Variants in CNTNAP5 observed in about 807,000 individuals in gnomAD.
CNTNAP5 encodes the protein contactin-associated protein-like 5.
CNTNAP5 carries 72 observed loss-of-function variants against 150.2 expected under a neutral mutation model. That is an observed-to-expected ratio of 0.48 (90% CI 0.40 to 0.58). The LOEUF (loss-of-function observed/expected upper bound fraction) is 0.58, where lower values mean the gene tolerates loss of function less well. CNTNAP5 is among the 20% of genes least tolerant of loss of function. The probability of loss-of-function intolerance (pLI) is 0.00; values close to 1 mark genes in which losing one functional copy is unlikely to be tolerated. For synonymous variants in CNTNAP5, 672 were observed against 619.8 expected (o/e 1.08, Z -1.25); for missense variants, 1,636 against 1,626.2 (o/e 1.01, Z -0.10).
intron 3 of CNTNAP5, among the ~76,000 whole-genome samples, chr2:124,278,564 A>G (rs1687942385): frequency 6.6e-6 from 1 of 152,184 alleles, no homozygotes; most frequent in Non-Finnish European, 1.5e-5. Flanking sequence ...TTGAGCAAAC[A>G]AGCCTCATGT....
chr2:124,818,268 A>G (rs2104665893), intron 19 of CNTNAP5, among the ~76,000 whole-genome samples: 1 of 152,242 alleles, frequency 6.6e-6, no homozygotes, highest in East Asian at 1.9e-4. Context: ...TGATCCCTGG[A>G]AGTATTAGGT....
intron 17 of CNTNAP5, among the ~76,000 whole-genome samples, chr2:124,786,501 G>GAGAGAA: frequency 9.4e-6 from 1 of 106,530 alleles, no homozygotes; most frequent in African/African-American, 5.0e-5. Flanking sequence ...GGAAGGGAGG[G>GAGAGAA]AAAGAAAAAG....
chr2:124,833,835 T>C (rs1682769682), intron 19 of CNTNAP5, among the ~76,000 whole-genome samples: 1 of 152,150 alleles, frequency 6.6e-6, no homozygotes, highest in Non-Finnish European at 1.5e-5. Context: ...GTCATTCATA[T>C]TTTAAGGAAT....
chr2:124,628,539 C>G (rs1443837575), intron 12 of CNTNAP5, among the ~76,000 whole-genome samples: 1 of 152,138 alleles, frequency 6.6e-6, no homozygotes. Context: ...CACCAGCAGG[C>G]CTGCCTTGCA....
At chr2:124,478,498 T>C (rs1295318653) in intron 7 of CNTNAP5, among the ~76,000 whole-genome samples, 1 of 152,102 alleles carries the variant, frequency 6.6e-6, no homozygotes, top group Non-Finnish European at 1.5e-5. Context: ...AAGTGAGAAT[T>C]CGTATCACTA....
At chr2:124,682,486 A>G (rs766897606) in intron 13 of CNTNAP5, among the ~76,000 whole-genome samples, 5 of 152,188 alleles carry the variant, frequency 3.3e-5, no homozygotes, top group Non-Finnish European at 5.9e-5. Context: ...TGGAACGTCA[A>G]AAGTTCTCAG....
chr2:124,875,810 C>T (rs774499699), intron 21 of CNTNAP5, among the ~76,000 whole-genome samples: 2 of 150,840 alleles, frequency 1.3e-5, no homozygotes, highest in Non-Finnish European at 2.9e-5. Flanking sequence ...AATTCTGAAC[C>T]ATGGTGAGTC....
At chr2:124,476,043 G>A (rs1280886888) in intron 7 of CNTNAP5, among the ~76,000 whole-genome samples, 1 of 151,860 alleles carries the variant, frequency 6.6e-6, no homozygotes, top group Non-Finnish European at 1.5e-5. Context: ...GCTTTTGTTA[G>A]TGGTTTCTGT....
intron 3 of CNTNAP5, among the ~76,000 whole-genome samples, chr2:124,266,921 C>T (rs1003340350): frequency 5.9e-5 from 9 of 151,456 alleles, no homozygotes; most frequent in African/African-American, 2.2e-4. Context: ...TACGCTTTTG[C>T]TGGCTTAAGC....
At chr2:124,047,975 ACACG>A (rs1322653086) in intron 1 of CNTNAP5, among the ~76,000 whole-genome samples, 1 of 152,202 alleles carries the variant, frequency 6.6e-6, no homozygotes, top group Non-Finnish European at 1.5e-5. Flanking sequence ...AGGCACATGC[ACACG>A]CACACACACA....
intron 1 of CNTNAP5, among the ~76,000 whole-genome samples, chr2:124,086,302 C>G (rs1682690918): frequency 6.8e-6 from 1 of 146,076 alleles, no homozygotes; most frequent in African/African-American, 2.6e-5. Flanking sequence ...CTCCCGGGTT[C>G]ACTCCATTCT....
intron 3 of CNTNAP5, among the ~76,000 whole-genome samples, chr2:124,243,611 G>T (rs778143596): frequency 7.9e-5 from 12 of 152,100 alleles, no homozygotes; most frequent in African/African-American, 1.2e-4. Flanking sequence ...TAAACAGTGA[G>T]TATACATGGA....
At chr2:124,387,791 G>A (rs1305756526) in intron 3 of CNTNAP5, among the ~76,000 whole-genome samples, 1 of 152,272 alleles carries the variant, frequency 6.6e-6, no homozygotes, top group African/African-American at 2.4e-5. Context: ...CAGGGGATGC[G>A]ATGGCTTGGC....
intron 1 of CNTNAP5, among the ~76,000 whole-genome samples, chr2:124,184,239 G>A (rs1451677710): frequency 6.6e-6 from 1 of 152,130 alleles, no homozygotes; most frequent in African/African-American, 2.4e-5. Context: ...CTGAAAGAAT[G>A]GAAGGAGACA....
chr2:124,747,498 C>G, intron 14 of CNTNAP5, 113 bp downstream of exon 14: 1 of 1,258,010 alleles, frequency 7.9e-7, no homozygotes, highest in South Asian at 1.3e-5. Context: ...CTGGAGCTCC[C>G]CCGATGGTGA....
intron 10 of CNTNAP5, among the ~76,000 whole-genome samples, chr2:124,536,567 C>A (rs1239818586): frequency 2.0e-5 from 3 of 152,124 alleles, no homozygotes; most frequent in Non-Finnish European, 4.4e-5. Flanking sequence ...CAGTGACTGC[C>A]AAGGTCATAT....
chr2:124,715,850 G>A (rs35940983), intron 13 of CNTNAP5, among the ~76,000 whole-genome samples: 24,743 of 152,092 alleles, frequency 0.16, 2,283 homozygotes, highest in East Asian at 0.24. Flanking sequence ...GAAGATGGAT[G>A]CTTGAATAAA....
In CNTNAP5 at chr2:124,739,827, A is replaced by G. The variant is rs562427021; in HGVS notation, c.2078-7402A>G. Reference sequence around the variant, plus strand: ...CCCACGACCCCTGGTGAGAAGTCATATTTTCTTACTCTGGGCTTTTCTAGA... The same window carrying G: ...CCCACGACCCCTGGTGAGAAGTCATGTTTTCTTACTCTGGGCTTTTCTAGA... On this transcript the variant is annotated intron_variant, in intron 13 of 23. Transcript: ENST00000682447. 2.0e-5 allele frequency among the ~76,000 whole-genome samples: 3 copies of G among 151,708 alleles called. No individual in the cohort carries two copies. The South Asian group carries it at 6.2e-4, about 32-fold the overall frequency.
intron 11 of CNTNAP5, among the ~76,000 whole-genome samples, chr2:124,602,983 T>C (rs1401041076): frequency 6.6e-6 from 1 of 152,030 alleles, no homozygotes; most frequent in Non-Finnish European, 1.5e-5. Context: ...TTTGTGGTTA[T>C]CTTAAAACAT....
Sources: gnomAD v4.1 joint callset for allele counts (sites outside exome capture counted in the v4.1 genomes callset) on GRCh38, gnomAD v4.1.1 for gene constraint, MANE v1.5 for transcripts, NCBI Gene and HGNC (gene_info 2026-07-23, HGNC 2026-07-21) for gene names.